AEBP2: variants seen among roughly 807,000 people sequenced by gnomAD.
AEBP2 encodes the protein zinc finger protein AEBP2.
AEBP2 carries 10 observed loss-of-function variants against 50.8 expected under a neutral mutation model. The observed-to-expected ratio is 0.20, with a 90% CI of 0.12 to 0.33. The LOEUF (loss-of-function observed/expected upper bound fraction) is 0.33. AEBP2 is among the 10% of genes least tolerant of loss of function. The probability of loss-of-function intolerance (pLI) is 1.00; values close to 1 mark genes in which losing one functional copy is unlikely to be tolerated. For missense variants in AEBP2, 570 were observed against 688.0 expected, an observed-to-expected ratio of 0.83 and a Z score of 1.92; for synonymous variants, 296 against 261.3, an observed-to-expected ratio of 1.13 and a Z score of -1.28.
chr12:19,509,907 A>T (rs935571706), intron 5 of AEBP2, among the ~76,000 whole-genome samples: 1 of 126,994 alleles, frequency 7.9e-6, no homozygotes, highest in Admixed American at 1.1e-4. Flanking sequence ...ATCTCGGCTC[A>T]CTGTAGCTTC....
chr12:19,416,509 G>A (rs1319440071), intron 1 of AEBP2, among the ~76,000 whole-genome samples: 2 of 151,536 alleles, frequency 1.3e-5, no homozygotes, highest in African/African-American at 2.4e-5. Context: ...AGGCTCAAGC[G>A]ATTCTCCTGC....
intron 1 of AEBP2, chr12:19,413,578 G>T: frequency 3.2e-6 from 2 of 620,258 alleles, no homozygotes; most frequent in Non-Finnish European, 5.9e-6. Flanking sequence ...AACTTGTTAT[G>T]CAAAATAAAA....
intron 3 of AEBP2, among the ~76,000 whole-genome samples, chr12:19,473,674 G>A (rs1009270707): frequency 2.4e-4 from 37 of 152,258 alleles, no homozygotes; most frequent in African/African-American, 8.9e-4. Flanking sequence ...CCAAAGTGCT[G>A]GGATTACAGG....
At chr12:19,441,360 A>G (rs556090246) in intron 1 of AEBP2, among the ~76,000 whole-genome samples, 2 of 152,310 alleles carry the variant, frequency 1.3e-5, no homozygotes, top group Non-Finnish European at 2.9e-5. Context: ...TTTTTAATGT[A>G]CTTTTAAAAA....
chr12:19,421,890 C>T (rs2095746025), intron 1 of AEBP2, among the ~76,000 whole-genome samples: 2 of 152,190 alleles, frequency 1.3e-5, no homozygotes, highest in African/African-American at 4.8e-5. Context: ...TGGCTCTCGC[C>T]TGTAATCCCA....
In AEBP2 at chr12:19,498,418, T is replaced by A. The variant is rs148477140; in HGVS notation, c.1175-1679T>A. 5.4e-3 allele frequency among the ~76,000 whole-genome samples: 818 copies of A among 152,322 alleles called. 4 individuals are homozygous for A. The highest frequency in any genetic ancestry group is 8.5e-3 in the Non-Finnish European group (579 of 68,028). The stretch of plus-strand genomic sequence containing the variant: ...TTTTGTTTATTTTTTCTTGAGGAAA[T>A]ATCTAGAGAAAAGACCTGTTTGTTT... On this transcript the variant is annotated intron_variant, in intron 4 of 7. Coordinates refer to ENST00000266508, the MANE Select transcript of AEBP2 (RefSeq NM_153207.5).
rs73337337 is a variant in AEBP2 at position 19,450,349 on chromosome 12, A to T, written c.671+9979A>T. ...TCAGTGTTGCTTTCTATGACCTTGA[A>T]TTTTTATGAAGCTAACTGACGTGTA... On this transcript the variant is annotated intron_variant, in intron 1 of 7. Coordinates refer to ENST00000266508, the MANE Select transcript of AEBP2 (RefSeq NM_153207.5). Among the ~76,000 whole-genome samples the T allele has an allele frequency of 3.4e-3, 515 of 151,792 alleles. 6 individuals are homozygous for T. Among genetic ancestry groups the T allele is most frequent in the African/African-American group, 0.012 (499 of 41,334 alleles).
At chr12:19,452,747 A>AT (rs752437429) in intron 1 of AEBP2, among the ~76,000 whole-genome samples, 71 of 152,206 alleles carry the variant, frequency 4.7e-4, no homozygotes, top group Admixed American at 1.3e-3. Flanking sequence ...AATGTTTTGA[A>AT]TTTTACCCTT....
At chr12:19,445,056 CTT>C (rs1008062618) in intron 1 of AEBP2, among the ~76,000 whole-genome samples, 1 of 151,766 alleles carries the variant, frequency 6.6e-6, no homozygotes, top group Non-Finnish European at 1.5e-5. Flanking sequence ...CTTGAGGTCT[CTT>C]GTCTATGAAA....
chr12:19,415,665 A>ACAATACAATG (rs1468770598), intron 1 of AEBP2, among the ~76,000 whole-genome samples: 4 of 145,570 alleles, frequency 2.7e-5, no homozygotes, highest in Non-Finnish European at 6.1e-5. Flanking sequence ...TCAATACAAT[A>ACAATACAATG]CAATACAATA....
At chr12:19,448,880 G>A (rs1948119132) in intron 1 of AEBP2, among the ~76,000 whole-genome samples, 1 of 151,944 alleles carries the variant, frequency 6.6e-6, no homozygotes, top group Non-Finnish European at 1.5e-5. Flanking sequence ...GGGTCTCCGT[G>A]TGTTGCCCAG....
At chr12:19,499,332 G>A (rs61912789) in intron 4 of AEBP2, among the ~76,000 whole-genome samples, 10,838 of 152,162 alleles carry the variant, frequency 0.071, 468 homozygotes, top group South Asian at 0.2. Context: ...CTCAAAATAG[G>A]CTGGGAGCAG....
chr12:19,499,614 T>TAAAA (rs374307323), intron 4 of AEBP2, among the ~76,000 whole-genome samples: 6 of 112,168 alleles, frequency 5.3e-5, no homozygotes, highest in African/African-American at 1.8e-4. Flanking sequence ...ACTCTGTCTC[T>TAAAA]TAAAAAAAAA....
At chr12:19,499,961 C>CCATGTTTTGTAG in intron 4 of AEBP2, 136 bp from the exon 5 acceptor site, 2 of 853,652 alleles carry the variant, frequency 2.3e-6, no homozygotes, top group Non-Finnish European at 3.6e-6. Context: ...TATCTAGAGT[C>CCATGTTTTGTAG]CATGTTTTGT....
At chr12:19,479,837 T>A (rs1948702102) in intron 3 of AEBP2, among the ~76,000 whole-genome samples, 1 of 150,894 alleles carries the variant, frequency 6.6e-6, no homozygotes, top group African/African-American at 2.4e-5. Flanking sequence ...AGTATCTTTT[T>A]CCACCCCTTT....
chr12:19,438,412 CACTTATATCCATGGAATTGAAA>C (rs1947883247), upstream of AEBP2, among the ~76,000 whole-genome samples: 1 of 152,156 alleles, frequency 6.6e-6, no homozygotes, highest in Non-Finnish European at 1.5e-5. Context: ...GTTTTCTCAA[CACTTATATCCATGGAATTGAAA>C]ACTTGGAATA....
At position 19,500,317 on chromosome 12, in the gene AEBP2, A is replaced by T. The variant is rs1047190474; in HGVS notation, c.1299+96A>T. ...AATCTCTCAAAATCTAAGAAAGTAC[A>T]ATTTAACAGAAATCACAAAACCTTT... On this transcript the variant is annotated intron_variant, in intron 5 of 7. Coordinates refer to ENST00000266508, the MANE Select transcript of AEBP2 (RefSeq NM_153207.5). 2.6e-6 allele frequency: 3 copies of T among 1,174,406 alleles called. No individual in the cohort carries two copies. The African/African-American group carries it at 4.8e-5, about 19-fold the overall frequency. 72.7% of individuals were successfully genotyped at this position (1,174,406 alleles called of 1,614,324 possible). A position where few individuals can be genotyped will look rare whatever the true frequency, so the allele number is the denominator to read the frequency against.
intron 3 of AEBP2, among the ~76,000 whole-genome samples, chr12:19,487,516 G>A (rs1395451112): frequency 1.3e-5 from 2 of 152,090 alleles, no homozygotes; most frequent in African/African-American, 4.8e-5. Flanking sequence ...TCAGGAGTTC[G>A]AGACCAGTCT....
At chr12:19,455,074 C>T (rs890862533) in intron 1 of AEBP2, among the ~76,000 whole-genome samples, 1 of 151,592 alleles carries the variant, frequency 6.6e-6, no homozygotes, top group East Asian at 1.9e-4. Flanking sequence ...ACAATCATAG[C>T]TCACTGCAGC....
Sources: allele counts gnomAD v4.1 joint callset (sites outside exome capture counted in the v4.1 genomes callset), GRCh38; gene constraint gnomAD v4.1.1; transcripts MANE v1.5; gene names NCBI Gene and HGNC (gene_info 2026-07-23, HGNC 2026-07-21).